The following CNBD1 variants were observed in gnomAD, a reference collection of about 807,000 sequenced individuals.
CNBD1 encodes cyclic nucleotide binding domain containing 1.
A neutral mutation model predicts 54.4 loss-of-function variants in CNBD1; 71 were observed. The observed-to-expected ratio is 1.30, with a 90% CI of 1.08 to 1.59. The LOEUF is 1.59. Among genes scored for constraint, CNBD1 ranks in the 40% most tolerant of loss-of-function variants. CNBD1 has a pLI of 0.00. For missense variants in CNBD1, 659 were observed against 518.0 expected (o/e 1.27, Z -2.64); for synonymous variants, 182 against 170.7 (o/e 1.07, Z -0.51).
intron 8 of CNBD1, among the ~76,000 whole-genome samples, chr8:87,311,907 A>T (rs962092521): frequency 2.6e-5 from 4 of 152,102 alleles, no homozygotes; most frequent in Admixed American, 2.6e-4. Flanking sequence ...ACACTCATGG[A>T]CATAAAGGTG....
intron 2 of CNBD1, among the ~76,000 whole-genome samples, chr8:86,899,768 T>C (rs972764199): frequency 3.3e-5 from 5 of 152,140 alleles, no homozygotes; most frequent in African/African-American, 1.2e-4. Context: ...GCCTAAATTA[T>C]GAAAAATTCT....
rs6150689 is a variant in CNBD1, at chr8:87,411,397, C to CATATATATATATATATATATAT, written c.214-17140_214-17119dup. 9.9e-3 allele frequency among the ~76,000 whole-genome samples: 910 copies of CATATATATATATATATATATAT among 92,090 alleles called. 32 individuals are homozygous for CATATATATATATATATATATAT. The highest frequency in any genetic ancestry group is 0.011 in the South Asian group (24 of 2,170). 60.4% of individuals were successfully genotyped at this position (92,090 alleles called of 152,430 possible). On this transcript the variant is annotated intron_variant, in intron 2 of 7. Transcript: ENST00000521593. ...ATAGGCAGGATTAACCTAGCTATATCATATATATATATATATATATATATA... is the reference window on the plus strand; with the variant it reads ...ATAGGCAGGATTAACCTAGCTATATCATATATATATATATATATATATATATATATATATATATATATATATA...
chr8:87,306,223 G>C (rs1249995795), intron 8 of CNBD1, among the ~76,000 whole-genome samples: 1 of 152,138 alleles, frequency 6.6e-6, no homozygotes, highest in Non-Finnish European at 1.5e-5. Flanking sequence ...ACTCCTGCAA[G>C]AGTAGCCATA....
chr8:87,284,344 G>A (rs1808651823), intron 6 of CNBD1, among the ~76,000 whole-genome samples: 1 of 152,020 alleles, frequency 6.6e-6, no homozygotes, highest in African/African-American at 2.4e-5. Context: ...ACAAACAGAA[G>A]ATCATATATA....
downstream of CNBD1, among the ~76,000 whole-genome samples, chr8:87,385,767 T>C (rs548948674): frequency 6.6e-6 from 1 of 151,828 alleles, no homozygotes; most frequent in East Asian, 2.0e-4. Flanking sequence ...TTGAAGAGAG[T>C]AGTGGTTCTC....
intron 8 of CNBD1, among the ~76,000 whole-genome samples, chr8:87,303,553 A>T (rs1184345426): frequency 3.9e-5 from 6 of 152,116 alleles, no homozygotes; most frequent in East Asian, 1.9e-4. Context: ...AACCTAGGCA[A>T]TACCATTCAG....
chr8:87,384,585 T>C (rs188840635), downstream of CNBD1, among the ~76,000 whole-genome samples: 17 of 152,262 alleles, frequency 1.1e-4, no homozygotes, highest in African/African-American at 4.1e-4. Flanking sequence ...AAAGTCTTAG[T>C]TCTTTAACTC....
chr8:86,968,075 G>A (rs991934117), intron 4 of CNBD1, among the ~76,000 whole-genome samples: 2 of 152,120 alleles, frequency 1.3e-5, no homozygotes, highest in African/African-American at 4.8e-5. Context: ...GGACAGAATG[G>A]CTAGAGTGGG....
intron 10 of CNBD1, among the ~76,000 whole-genome samples, chr8:87,359,125 T>C (rs1810481686): frequency 6.6e-6 from 1 of 152,190 alleles, no homozygotes; most frequent in Non-Finnish European, 1.5e-5. Flanking sequence ...AAAGTGTTTC[T>C]TTTAGTCACT....
chr8:87,371,040 A>G (rs1310285976), intron 10 of CNBD1, among the ~76,000 whole-genome samples: 9 of 150,388 alleles, frequency 6.0e-5, no homozygotes, highest in South Asian at 2.1e-4. Flanking sequence ...ATAGTTGTAG[A>G]TATGCGGCGT....
intron 4 of CNBD1, among the ~76,000 whole-genome samples, chr8:87,181,972 T>C (rs1313430358): frequency 2.0e-5 from 3 of 152,188 alleles, no homozygotes; most frequent in Admixed American, 6.5e-5. Context: ...CTAGCGTTTG[T>C]TGTACACATG....
intron 10 of CNBD1, among the ~76,000 whole-genome samples, chr8:87,365,530 G>A (rs1251144363): frequency 6.6e-6 from 1 of 151,884 alleles, no homozygotes; most frequent in African/African-American, 2.4e-5. Flanking sequence ...GAAACCACTT[G>A]TTCCACTGTA....
chr8:87,006,882 G>A (rs936309307), intron 4 of CNBD1, among the ~76,000 whole-genome samples: 5 of 152,112 alleles, frequency 3.3e-5, no homozygotes, highest in East Asian at 1.9e-4. Context: ...ATGTTAGTAC[G>A]TAATTGAACA....
intron 8 of CNBD1, among the ~76,000 whole-genome samples, chr8:87,319,443 A>C (rs1809472699): frequency 6.6e-6 from 1 of 152,122 alleles, no homozygotes; most frequent in Non-Finnish European, 1.5e-5. Flanking sequence ...TACTTGCAGA[A>C]ATTTTACCTC....
At chr8:87,287,579 T>C (rs151206424) in intron 8 of CNBD1, among the ~76,000 whole-genome samples, 5 of 152,284 alleles carry the variant, frequency 3.3e-5, no homozygotes, top group African/African-American at 1.2e-4. Context: ...ATGAATCTGA[T>C]TGGTAAATTC....
intron 4 of CNBD1, among the ~76,000 whole-genome samples, chr8:87,142,430 G>A (rs927442234): frequency 9.9e-5 from 15 of 152,080 alleles, no homozygotes; most frequent in African/African-American, 3.1e-4. Flanking sequence ...ATTTAGTTAC[G>A]AGATTTAAGG....
chr8:86,998,498 G>A (rs1200889327), intron 4 of CNBD1, among the ~76,000 whole-genome samples: 1 of 152,006 alleles, frequency 6.6e-6, no homozygotes, highest in Non-Finnish European at 1.5e-5. Flanking sequence ...GCACAATGTT[G>A]TTTTTTTCAG....
At chr8:87,428,087 G>A (rs145034305) in intron 2 of CNBD1, among the ~76,000 whole-genome samples, 86 of 150,884 alleles carry the variant, frequency 5.7e-4, no homozygotes, top group African/African-American at 2.0e-3. Context: ...CCTGCTCTTG[G>A]TTTGGGTAAC....
chr8:86,972,857 G>A (rs765928503), intron 4 of CNBD1, among the ~76,000 whole-genome samples: 12 of 152,088 alleles, frequency 7.9e-5, no homozygotes, highest in Non-Finnish European at 1.5e-5. Flanking sequence ...TGCCATAGTA[G>A]TCCCTCTTCT....
Sources: allele counts gnomAD v4.1 joint callset (sites outside exome capture counted in the v4.1 genomes callset), GRCh38; gene constraint gnomAD v4.1.1; transcripts MANE v1.5; gene names NCBI Gene and HGNC (gene_info 2026-07-23, HGNC 2026-07-21).